Variants in SEMA3D observed in about 807,000 individuals in gnomAD.
The protein encoded by SEMA3D is semaphorin-3D.
Under a neutral mutation model 100.1 loss-of-function variants are expected in SEMA3D, and 84 were observed. The observed-to-expected ratio is 0.84, with a 90% CI of 0.70 to 1.01. The LOEUF is 1.01. Among genes scored for constraint, SEMA3D ranks in the 50% least tolerant of loss-of-function variants. The pLI, the probability that SEMA3D is intolerant of heterozygous loss-of-function variation, is 0.00. For missense variants in SEMA3D, 875 were observed against 934.1 expected (o/e 0.94, Z 0.82); for synonymous variants, 312 against 320.7 (o/e 0.97, Z 0.29).
chr7:85,211,318 T>G, the SEMA3D span, among the ~76,000 whole-genome samples: 2 of 152,114 alleles, frequency 1.3e-5, 1 homozygote, highest in African/African-American at 4.8e-5. Flanking sequence ...TGAGGACATT[T>G]TCCACATTGA....
chr7:85,022,538 G>A lies in SEMA3D; in HGVS notation c.1267C>T (p.Arg423Trp), dbSNP rs761340041. Residue 423 changes from arginine to tryptophan, a missense_variant, in exon 13 of 19, where the codon CGG (arginine) becomes TGG (tryptophan). By Grantham distance (101) the Arg-to-Trp change is moderately radical. Transcript: ENST00000284136. The stretch of plus-strand genomic sequence containing the variant: ...ACGGACTTATACATCACAGAGTGCC[G>A]CTTTATGAAACTGATGACATCATCT... ...FPDDVISFIKRHSVMYKSVYP... is the reference protein window; with the variant it reads ...FPDDVISFIKWHSVMYKSVYP... The A allele has an allele frequency of 3.7e-6, 6 of 1,612,354 alleles. No individual in the cohort carries two copies. Among genetic ancestry groups the A allele is most frequent in the South Asian group, 1.1e-5 (1 of 91,044 alleles).
intron 2 of SEMA3D, among the ~76,000 whole-genome samples, chr7:85,126,887 G>A (rs1471562611): frequency 6.6e-6 from 1 of 152,106 alleles, no homozygotes; most frequent in Non-Finnish European, 1.5e-5. Context: ...AGGTCCACAG[G>A]AAAAGAGCTT....
At chr7:85,125,779 TCTTCG>T (rs1161778079) in intron 2 of SEMA3D, among the ~76,000 whole-genome samples, 1 of 106,414 alleles carries the variant, frequency 9.4e-6, no homozygotes, top group Non-Finnish European at 1.9e-5. Flanking sequence ...TATTTTGCTG[TCTTCG>T]TGTGTGTGTG....
intron 16 of SEMA3D, among the ~76,000 whole-genome samples, 194 bp from the exon 17 acceptor site, chr7:85,013,040 A>G (rs1044803319): frequency 4.0e-5 from 6 of 151,810 alleles, no homozygotes; most frequent in Non-Finnish European, 8.8e-5. Flanking sequence ...CAAATAGAAG[A>G]AATCCTTTTC....
chr7:85,166,333 A>T (rs2116532271), intron 1 of SEMA3D, among the ~76,000 whole-genome samples: 1 of 152,178 alleles, frequency 6.6e-6, no homozygotes, highest in African/African-American at 2.4e-5. Flanking sequence ...ATGAGAAGAA[A>T]AATATGAGTT....
At chr7:85,129,374 C>T (rs1789661040) in intron 2 of SEMA3D, among the ~76,000 whole-genome samples, 2 of 151,866 alleles carry the variant, frequency 1.3e-5, no homozygotes, top group Admixed American at 1.3e-4. Flanking sequence ...TTTTCACAAT[C>T]TTCATATGTA....
the SEMA3D span, among the ~76,000 whole-genome samples, chr7:85,225,833 G>C: frequency 1.3e-5 from 2 of 152,018 alleles, no homozygotes; most frequent in Non-Finnish European, 2.9e-5. Flanking sequence ...TCCGGCCAGG[G>C]GGACAAGGGA....
intron 9 of SEMA3D, among the ~76,000 whole-genome samples, chr7:85,044,163 A>G (rs1481184852): frequency 1.3e-5 from 2 of 152,052 alleles, no homozygotes; most frequent in African/African-American, 2.4e-5. Flanking sequence ...ATATCTAGAA[A>G]CTTTCTTCTT....
At chr7:85,164,038 A>C (rs1278612704) in intron 1 of SEMA3D, among the ~76,000 whole-genome samples, 1 of 152,044 alleles carries the variant, frequency 6.6e-6, no homozygotes, top group Non-Finnish European at 1.5e-5. Flanking sequence ...CTTATTTCAG[A>C]CTCTTTTGGA....
intron 2 of SEMA3D, among the ~76,000 whole-genome samples, chr7:85,138,569 C>A (rs1039700612): frequency 2.0e-5 from 3 of 148,500 alleles, no homozygotes; most frequent in South Asian, 2.1e-4. Flanking sequence ...AACATGAATA[C>A]CTTTCACCCC....
chr7:85,162,309 AAC>A (rs1203358908), intron 1 of SEMA3D, among the ~76,000 whole-genome samples: 20 of 152,280 alleles, frequency 1.3e-4, no homozygotes, highest in Admixed American at 5.9e-4. Context: ...AGCATCAGTA[AAC>A]ACAGAGTTAA....
intron 15 of SEMA3D, among the ~76,000 whole-genome samples, chr7:85,015,821 C>G (rs1323345792): frequency 6.6e-6 from 1 of 151,766 alleles, no homozygotes; most frequent in Non-Finnish European, 1.5e-5. Context: ...AACAAAATCA[C>G]ATTTTCAATA....
upstream of SEMA3D, among the ~76,000 whole-genome samples, chr7:85,188,445 AAT>A (rs1314797961): frequency 6.6e-6 from 1 of 152,188 alleles, no homozygotes; most frequent in African/African-American, 2.4e-5. Flanking sequence ...CTTTATATTT[AAT>A]GTTATACCAC....
chr7:85,044,904 C>T (rs763325851), intron 9 of SEMA3D, among the ~76,000 whole-genome samples: 3 of 151,966 alleles, frequency 2.0e-5, no homozygotes, highest in African/African-American at 4.8e-5. Flanking sequence ...CCCTAAAATT[C>T]CCTCTACTCA....
chr7:85,022,643 C>T, intron 12 of SEMA3D, 30 bp from the exon 13 acceptor site: 1 of 1,421,942 alleles, frequency 7.0e-7, no homozygotes, highest in South Asian at 1.1e-5. Flanking sequence ...AAAGTAAAGA[C>T]ATTGTTTATG....
chr7:85,246,037 A>C, the SEMA3D span, among the ~76,000 whole-genome samples: 1 of 152,218 alleles, frequency 6.6e-6, no homozygotes, highest in African/African-American at 2.4e-5. Context: ...AAATTTGAGT[A>C]GATGTTAATG....
rs184210696 is a variant in SEMA3D at position 85,155,301 on chromosome 7, T to C, written c.-172-1562A>G. 1.7e-4 allele frequency among the ~76,000 whole-genome samples: 26 copies of C among 152,282 alleles called. No homozygotes were observed. The East Asian group carries it at 4.8e-3, about 28-fold the overall frequency. On this transcript the variant is annotated intron_variant, in intron 1 of 18. Transcript: ENST00000284136. ...TTTTCTCTTGTAAGTTAAATATATA[T>C]ATTGCTAAGAGATAAAAATATATAA...
intron 4 of SEMA3D, among the ~76,000 whole-genome samples, 193 bp from the exon 5 acceptor site, chr7:85,081,772 T>C (rs1788073192): frequency 6.6e-6 from 1 of 152,226 alleles, no homozygotes; most frequent in Non-Finnish European, 1.5e-5. Flanking sequence ...AAGTGTCTAG[T>C]ACTATCCATT....
At chr7:85,228,542 G>A in the SEMA3D span, among the ~76,000 whole-genome samples, 23,162 of 151,986 alleles carry the variant, frequency 0.15, 4,049 homozygotes, top group African/African-American at 0.43. Flanking sequence ...GATAACCTAT[G>A]TTGTTGCCCT....
Sources: allele counts gnomAD v4.1 joint callset (sites outside exome capture counted in the v4.1 genomes callset), GRCh38; gene constraint gnomAD v4.1.1; transcripts MANE v1.5; gene names NCBI Gene and HGNC (gene_info 2026-07-23, HGNC 2026-07-21).